The following ZNF800 variants were observed in gnomAD, a reference collection of about 807,000 sequenced individuals.
ZNF800 encodes the protein zinc finger protein 800.
A neutral mutation model predicts 59.5 loss-of-function variants in ZNF800; 13 were observed. The observed-to-expected ratio is 0.22, with a 90% CI of 0.14 to 0.35. The LOEUF is 0.35. ZNF800 is among the 10% of genes least tolerant of loss of function. The pLI is 1.00. For missense variants in ZNF800, 621 were observed against 783.7 expected, an observed-to-expected ratio of 0.79 and a Z score of 2.48; for synonymous variants, 266 against 265.7, an observed-to-expected ratio of 1.00 and a Z score of -0.01.
chr7:127,390,690 T>C (rs35596688), intron 2 of ZNF800, among the ~76,000 whole-genome samples: 2,546 of 152,322 alleles, frequency 0.017, 32 homozygotes, highest in Non-Finnish European at 0.024. Context: ...TAGAATAGCC[T>C]AGCCTTTATT....
chr7:127,380,358 T>G (rs940083541), intron 3 of ZNF800, among the ~76,000 whole-genome samples: 1 of 152,170 alleles, frequency 6.6e-6, no homozygotes, highest in African/African-American at 2.4e-5. Flanking sequence ...AAAAAAACCT[T>G]CTCTAAAAAT....
intron 2 of ZNF800, among the ~76,000 whole-genome samples, chr7:127,389,869 T>C (rs915794587): frequency 2.0e-5 from 3 of 152,092 alleles, no homozygotes; most frequent in Non-Finnish European, 4.4e-5. Flanking sequence ...AAAGCTCAAG[T>C]CTAGAAAACA....
chr7:127,383,337 A>G (rs1487548494), intron 3 of ZNF800, among the ~76,000 whole-genome samples: 2 of 152,210 alleles, frequency 1.3e-5, no homozygotes, highest in Admixed American at 6.5e-5. Flanking sequence ...ACATATTACT[A>G]CCATTCAACC....
downstream of ZNF800, among the ~76,000 whole-genome samples, chr7:127,343,809 A>C (rs1033158811): frequency 2.0e-5 from 3 of 152,102 alleles, no homozygotes; most frequent in African/African-American, 7.2e-5. Flanking sequence ...CATCTCATGC[A>C]GAAATAATCC....
chr7:127,368,104 A>G (rs553620060), downstream of ZNF800, among the ~76,000 whole-genome samples: 2 of 152,236 alleles, frequency 1.3e-5, no homozygotes, highest in Non-Finnish European at 2.9e-5. Flanking sequence ...CTATCTTGGT[A>G]CTAATGATTT....
downstream of ZNF800, among the ~76,000 whole-genome samples, chr7:127,368,855 T>C (rs1189195933): frequency 3.9e-5 from 6 of 152,004 alleles, no homozygotes; most frequent in African/African-American, 1.2e-4. Flanking sequence ...ATATAATAAA[T>C]ATATTCCTAA....
intron 1 of ZNF800, chr7:127,361,456 C>A (rs536926214): frequency 1.3e-5 from 2 of 152,030 alleles, no homozygotes; most frequent in East Asian, 3.9e-4. Flanking sequence ...GTGGTACAGG[C>A]TTGTATCCCA....
rs1184865878 is a variant in ZNF800 at position 127,379,833 on chromosome 7, G to GCCCCC, written c.158-2505_158-2504insGGGGG. On this transcript the variant is annotated intron_variant, in intron 3 of 5. Transcript: ENST00000265827. ...ATCACAAATGCTTCCCCTTACCCTT[G>GCCCCC]CCACCCCCCCACCCCCCCACCCCCC... Among the ~76,000 whole-genome samples, 82 of 12,670 alleles carry GCCCCC rather than the reference G, an allele frequency of 6.5e-3. 2 individuals are homozygous for GCCCCC. The highest frequency in any genetic ancestry group is 0.019 in the East Asian group (2 of 108). 8.3% of individuals were successfully genotyped at this position (12,670 alleles called of 152,430 possible).
chr7:127,364,148 G>C (rs898573740), intron 1 of ZNF800: 6 of 152,108 alleles, frequency 3.9e-5, no homozygotes, highest in African/African-American at 1.4e-4. Context: ...ACGTGACCAT[G>C]AATGTGTGGA....
In ZNF800 at chr7:127,374,667, A is replaced by C. The variant is rs751037363; in HGVS notation, c.669T>G (p.Asn223Lys). ...ESQADLETSD[N>K]SDFGHQLICC... is the part of the protein sequence containing the mutation. The stretch of plus-strand genomic sequence containing the variant: ...ATATCAACTGGTGACCAAAATCAGA[A>C]TTGTCAGAAGTTTCCAAGTCAGCCT... Residue 223 changes from asparagine (N) to lysine (K), a missense_variant, in exon 5 of 6, where the codon AAT (asparagine) becomes AAG (lysine). Asn to Lys is a moderately conservative substitution (Grantham distance 94). This residue lies in a region of ZNF800 where 218 missense variants were observed against 230.8 expected (regional missense o/e 0.94). Coordinates refer to ENST00000265827, the MANE Select transcript of ZNF800 (RefSeq NM_176814.5). The C allele has an allele frequency of 6.2e-7, 1 of 1,614,006 alleles. No individual in the cohort carries two copies. Among genetic ancestry groups the C allele is most frequent in the Non-Finnish European group, 8.5e-7 (1 of 1,179,916 alleles).
chr7:127,373,401 G>A lies in ZNF800; in HGVS notation c.1935C>T (p.Ser645=). The A allele has an allele frequency of 1.2e-6, 2 of 1,612,998 alleles. No homozygotes were observed. ...TGGTTTTGTTTCCTTCAGGTGAATT[G>A]GAAGCATTTGCCTTATGAGTTTTCT... ...HHKKTHKANA[S]NSPEGNKTKG... The change falls in exon 5 of 6, where the codon TCC becomes TCT. Residue 645 remains serine, a synonymous_variant. Coordinates refer to ENST00000265827, the MANE Select transcript of ZNF800 (RefSeq NM_176814.5).
At position 127,353,625 on chromosome 7, in the gene ZNF800, G is replaced by C. The variant is rs114670358; in HGVS notation, n.225-5582C>G. On this transcript the variant is annotated intron_variant and non_coding_transcript_variant, in intron 1 of 1. Transcript: ENST00000485577. ...CATTGAGAAGGCCTGCCATCTTTAG[G>C]AAGAAAGCAGAATTACTGACTAATT... Among the ~76,000 whole-genome samples, 485 of 152,216 alleles carry C rather than the reference G, an allele frequency of 3.2e-3. 2 individuals are homozygous for C. The highest frequency in any genetic ancestry group is 0.011 in the African/African-American group (461 of 41,528).
intron 5 of ZNF800, chr7:127,372,579 A>G (rs557908733): frequency 2.1e-6 from 2 of 959,740 alleles, no homozygotes; most frequent in Admixed American, 6.2e-5. Context: ...CTAGTTAATA[A>G]TATTAACTAT....
chr7:127,392,207 C>G lies in ZNF800; in HGVS notation c.-206G>C, dbSNP rs1161818947. 13 of 394,626 alleles carry G rather than the reference C, an allele frequency of 3.3e-5. No individual in the cohort carries two copies. Among genetic ancestry groups the G allele is most frequent in the Non-Finnish European group, 5.4e-5 (12 of 223,444 alleles). The allele number at this position is 394,626 out of a possible 1,614,324, so 24.4% of individuals were successfully genotyped here. On this transcript the variant is annotated 5_prime_UTR_variant, in exon 1 of 6. Coordinates refer to ENST00000265827, the MANE Select transcript of ZNF800 (RefSeq NM_176814.5). ...CGGGGGAACCCGGACTCGGGCCCGA[C>G]GCGCTCCCAAAGAGTCCCCGCCGGC... is the stretch of plus-strand genomic sequence containing the variant.
chr7:127,376,579 C>A (rs1247704779), intron 4 of ZNF800, among the ~76,000 whole-genome samples: 2 of 151,906 alleles, frequency 1.3e-5, no homozygotes, highest in African/African-American at 2.4e-5. Context: ...TATACTGGAT[C>A]TCAAGTTAGC....
chr7:127,366,021 C>T (rs551016859), downstream of ZNF800, among the ~76,000 whole-genome samples: 1 of 152,160 alleles, frequency 6.6e-6, no homozygotes, highest in Non-Finnish European at 1.5e-5. Flanking sequence ...ATAAACCTAC[C>T]TATAAGGTAG....
Position 127,374,262 on chromosome 7 carries a change from T to C in ZNF800, c.1074A>G (p.Ala358=). 1.2e-6 allele frequency: 2 copies of C among 1,613,996 alleles called. No individual in the cohort carries two copies. Among genetic ancestry groups the C allele is most frequent in the Non-Finnish European group, 8.5e-7 (1 of 1,179,972 alleles). The part of the protein sequence containing the change: ...SSSKAEYNLT[A]CKCLLCKRKY... ...TCCTCTTGCAAAGGAGGCATTTGCA[T>C]GCAGTTAAATTGTATTCAGCCTTTG... The change falls in exon 5 of 6, where the codon GCA becomes GCG. Residue 358 remains alanine, a synonymous_variant. Transcript: ENST00000265827.
Position 127,374,504 on chromosome 7 carries a change from T to C in ZNF800, c.832A>G (p.Ser278Gly), listed in dbSNP as rs746047532. The C allele has an allele frequency of 1.1e-5, 18 of 1,614,084 alleles. No individual in the cohort carries two copies. Among genetic ancestry groups the C allele is most frequent in the African/African-American group, 2.7e-5 (2 of 74,950 alleles). Residue 278 changes from serine to glycine, a missense_variant, in exon 5 of 6, where the codon AGT becomes GGT. Around this residue, in one of 7 missense-constraint regions of ZNF800, gnomAD observed 218 missense variants for 230.8 expected, o/e 0.94. Transcript: ENST00000265827. ...CTTAATGGAACTAGAACATTCTTAC[T>C]GCGTCCTTTAGAGGATTGGTTTGGA... ...KNPNQSSKGR[S>G]KNVLVPLSRS... is the part of the protein sequence containing the mutation.
At position 127,377,932 on chromosome 7, in the gene ZNF800, ACGAAGTAGAGAATCT is replaced by A. The variant is rs1800831880; in HGVS notation, c.158-618_158-604del. On this transcript the variant is annotated intron_variant, in intron 3 of 5. Coordinates refer to ENST00000265827, the MANE Select transcript of ZNF800 (RefSeq NM_176814.5). This position sits in a 1 kb window ranked among gnomAD's most constrained non-coding sequence, Gnocchi z 4.7. ...TTATGGCTATTTAGCGTGATTCTCT[ACGAAGTAGAGAATCT>A]TTGTCTATACTGAGACATAATTTTG... 2.0e-5 allele frequency among the ~76,000 whole-genome samples: 3 copies of A among 152,064 alleles called. 1 individual carries two copies. Among genetic ancestry groups the A allele is most frequent in the Admixed American group, 2.0e-4 (3 of 15,260 alleles).
Sources: allele counts gnomAD v4.1 joint callset (sites outside exome capture counted in the v4.1 genomes callset), GRCh38; gene constraint gnomAD v4.1.1; regional missense constraint gnomAD v4.1.1; non-coding constraint Gnocchi (gnomAD v3.1); transcripts MANE v1.5; gene names NCBI Gene and HGNC (gene_info 2026-07-23, HGNC 2026-07-21).